Variants in PLXNA4 observed in about 807,000 individuals in gnomAD.
PLXNA4 encodes plexin-A4.
PLXNA4 carries 44 observed loss-of-function variants against 191.8 expected under a neutral mutation model. The observed-to-expected ratio is 0.23, with a 90% CI of 0.18 to 0.29. PLXNA4 has a LOEUF of 0.29. Ranked by LOEUF, PLXNA4 falls within the 10% of genes least tolerant of loss-of-function variation. The pLI, the probability that PLXNA4 is intolerant of heterozygous loss-of-function variation, is 1.00. For synonymous variants in PLXNA4, 1,082 were observed against 1,009.5 expected, an observed-to-expected ratio of 1.07 and a Z score of -1.36; for missense variants, 1,800 against 2,488.8, an observed-to-expected ratio of 0.72 and a Z score of 5.89.
rs1018364965 is a variant in PLXNA4 at position 132,225,615 on chromosome 7, C to T, written c.1982+546G>A. Among the ~76,000 whole-genome samples, 8 of 92,438 alleles carry T rather than the reference C, an allele frequency of 8.7e-5. No homozygotes were observed. In the South Asian group the frequency reaches 1.9e-3, roughly 22 times the overall value. The allele number at this position is 92,438 out of a possible 152,430, so 60.6% of individuals were successfully genotyped here. On this transcript the variant is annotated intron_variant, in intron 8 of 31. Coordinates refer to ENST00000321063, the MANE Select transcript of PLXNA4 (RefSeq NM_020911.2). Reference sequence around the variant, plus strand: ...GCTTCCTGACCCCTAAGCCAGAGTCCGCCCCCCCCCACAGCTTTCTGCCTC... The same window carrying T: ...GCTTCCTGACCCCTAAGCCAGAGTCTGCCCCCCCCCACAGCTTTCTGCCTC...
chr7:132,217,868 G>A (rs1399918575), intron 9 of PLXNA4, among the ~76,000 whole-genome samples: 1 of 150,056 alleles, frequency 6.7e-6, no homozygotes, highest in Non-Finnish European at 1.5e-5. Context: ...TGGTGCATGG[G>A]TGGGGAGCGT....
intron 3 of PLXNA4, among the ~76,000 whole-genome samples, chr7:132,442,627 C>T (rs960873002): frequency 1.3e-5 from 2 of 152,160 alleles, no homozygotes; most frequent in African/African-American, 4.8e-5. Flanking sequence ...TCAGAGAAGT[C>T]CCCCTCCGCA....
At chr7:132,564,489 C>T (rs1486764709) in intron 1 of PLXNA4, among the ~76,000 whole-genome samples, 1 of 152,076 alleles carries the variant, frequency 6.6e-6, no homozygotes, top group Non-Finnish European at 1.5e-5. Context: ...TCCCAGAGCA[C>T]CCTCTTCATG....
chr7:132,148,321 T>C (rs1216645439), intron 26 of PLXNA4, among the ~76,000 whole-genome samples: 1 of 152,226 alleles, frequency 6.6e-6, no homozygotes, highest in African/African-American at 2.4e-5. Flanking sequence ...CTGGGGACTC[T>C]GCCCATGCCC....
chr7:132,645,023 C>T (rs537451974), intron 2 of PLXNA4, among the ~76,000 whole-genome samples: 3 of 152,208 alleles, frequency 2.0e-5, no homozygotes, highest in South Asian at 4.1e-4. Context: ...GGCTCTGGGT[C>T]AGGAAGCACT....
chr7:132,154,765 T>C (rs1795744533), intron 25 of PLXNA4, among the ~76,000 whole-genome samples: 1 of 152,206 alleles, frequency 6.6e-6, no homozygotes, highest in Non-Finnish European at 1.5e-5. Flanking sequence ...GGCACTCATA[T>C]GCATGGCACC....
intron 2 of PLXNA4, among the ~76,000 whole-genome samples, chr7:132,605,536 T>A (rs1802906810): frequency 1.3e-5 from 2 of 151,996 alleles, no homozygotes; most frequent in Admixed American, 6.6e-5. Context: ...AGTGGGTAGG[T>A]GGCATTGGTA....
chr7:132,582,869 G>A (rs1359747990), intron 2 of PLXNA4, among the ~76,000 whole-genome samples: 1 of 152,140 alleles, frequency 6.6e-6, no homozygotes, highest in African/African-American at 2.4e-5. Context: ...GAATAAGAAG[G>A]ACAAAGTGGG....
chr7:132,440,206 C>T (rs1795643356), intron 3 of PLXNA4, among the ~76,000 whole-genome samples: 1 of 152,198 alleles, frequency 6.6e-6, no homozygotes, highest in Non-Finnish European at 1.5e-5. Context: ...CCTCCCCCTG[C>T]CTTGCACAGA....
intron 1 of PLXNA4, among the ~76,000 whole-genome samples, chr7:132,525,341 T>C (rs1457586910): frequency 3.3e-5 from 5 of 152,138 alleles, no homozygotes; most frequent in African/African-American, 1.2e-4. Context: ...CCTCTAACAC[T>C]TGGACTCAAA....
intron 2 of PLXNA4, among the ~76,000 whole-genome samples, chr7:132,500,429 G>A (rs986090151): frequency 1.3e-5 from 2 of 151,384 alleles, no homozygotes; most frequent in Non-Finnish European, 2.9e-5. Flanking sequence ...GGCAACAAGA[G>A]TGAAACACTG....
At chr7:132,262,768 GTGGGGAGGC>G (rs961189008) in intron 4 of PLXNA4, among the ~76,000 whole-genome samples, 12 of 152,300 alleles carry the variant, frequency 7.9e-5, no homozygotes, top group Admixed American at 1.3e-4. Context: ...CTTAAGCTCA[GTGGGGAGGC>G]TGGGGAGGAA....
At chr7:132,339,491 G>A (rs1802942407) in intron 3 of PLXNA4, among the ~76,000 whole-genome samples, 1 of 152,124 alleles carries the variant, frequency 6.6e-6, no homozygotes, top group African/African-American at 2.4e-5. Context: ...TAAAATCATT[G>A]AACTAGAGAT....
intron 1 of PLXNA4, among the ~76,000 whole-genome samples, chr7:132,573,213 C>T (rs542769885): frequency 2.4e-4 from 37 of 152,210 alleles, no homozygotes; most frequent in East Asian, 1.9e-3. Flanking sequence ...AGAGAGGAGA[C>T]GCTGGCACAT....
chr7:132,482,540 C>A (rs1797379474), intron 3 of PLXNA4, among the ~76,000 whole-genome samples: 1 of 152,088 alleles, frequency 6.6e-6, no homozygotes, highest in South Asian at 2.1e-4. Context: ...CTGAGCCATG[C>A]CCAGATTCCA....
chr7:132,531,443 T>C (rs1165076219), intron 1 of PLXNA4, among the ~76,000 whole-genome samples: 2 of 152,240 alleles, frequency 1.3e-5, no homozygotes, highest in African/African-American at 4.8e-5. Flanking sequence ...ATTATTATGA[T>C]CTTTATTTTA....
chr7:132,550,910 C>A (rs1467942639), intron 1 of PLXNA4, among the ~76,000 whole-genome samples: 1 of 152,186 alleles, frequency 6.6e-6, no homozygotes, highest in Non-Finnish European at 1.5e-5. Context: ...CACTTCAAAC[C>A]CAGCTCCTCA....
At chr7:132,286,402 G>T (rs1050842887) in intron 4 of PLXNA4, among the ~76,000 whole-genome samples, 1 of 152,178 alleles carries the variant, frequency 6.6e-6, no homozygotes, top group African/African-American at 2.4e-5. Context: ...CACTTAGAGT[G>T]CCCCGAAAGT....
At chr7:132,420,093 C>T (rs907297899) in intron 3 of PLXNA4, among the ~76,000 whole-genome samples, 1 of 152,180 alleles carries the variant, frequency 6.6e-6, no homozygotes, top group African/African-American at 2.4e-5. Flanking sequence ...CTGGCATCTA[C>T]AAATAGGTGG....
Sources: gnomAD v4.1 joint callset for allele counts (sites outside exome capture counted in the v4.1 genomes callset) on GRCh38, gnomAD v4.1.1 for gene constraint, MANE v1.5 for transcripts, NCBI Gene and HGNC (gene_info 2026-07-23, HGNC 2026-07-21) for gene names.